SSH2: variants seen among roughly 807,000 people sequenced by gnomAD.
The protein encoded by SSH2 is protein phosphatase Slingshot homolog 2.
In SSH2, 37 loss-of-function variants were observed where a neutral mutation model predicts 135.2. The ratio of observed to expected loss-of-function variants is 0.27; its 90% CI spans 0.21 to 0.36. The LOEUF (loss-of-function observed/expected upper bound fraction) is 0.36, where lower values mean the gene tolerates loss of function less well. Among genes scored for constraint, SSH2 ranks in the 10% least tolerant of loss-of-function variants. The pLI, the probability that SSH2 is intolerant of heterozygous loss-of-function variation, is 1.00. For synonymous variants in SSH2, 628 were observed against 646.2 expected, an observed-to-expected ratio of 0.97 and a Z score of 0.43; for missense variants, 1,408 against 1,765.3, an observed-to-expected ratio of 0.80 and a Z score of 3.63.
intron 3 of SSH2, among the ~76,000 whole-genome samples, chr17:29,732,846 G>A (rs1265154045): frequency 4.6e-5 from 7 of 152,100 alleles, no homozygotes; most frequent in Admixed American, 6.5e-5. Context: ...GTATAATCTC[G>A]AATACGCACT....
chr17:29,774,260 CAAG>C (rs1183270989), intron 3 of SSH2, among the ~76,000 whole-genome samples: 3 of 151,952 alleles, frequency 2.0e-5, no homozygotes, highest in Non-Finnish European at 2.9e-5. Flanking sequence ...TTGTAGTGAA[CAAG>C]AAGGAAATTT....
intron 6 of SSH2, among the ~76,000 whole-genome samples, chr17:29,683,236 TA>T (rs2038058107): frequency 3.9e-5 from 6 of 152,150 alleles, no homozygotes; most frequent in Admixed American, 3.9e-4. Flanking sequence ...ATCCACAGCG[TA>T]AAGATCTGCT....
At chr17:29,702,869 C>A in intron 4 of SSH2, 90 bp downstream of exon 4, 1 of 1,048,774 alleles carries the variant, frequency 9.5e-7, no homozygotes. Context: ...TAAAGAACTT[C>A]TGAAGAGATG....
intron 1 of SSH2, among the ~76,000 whole-genome samples, chr17:29,912,616 T>C (rs994613746): frequency 6.6e-6 from 1 of 152,048 alleles, no homozygotes; most frequent in African/African-American, 2.4e-5. Flanking sequence ...TAGTCCTAAC[T>C]ACTACTCAGG....
At chr17:29,761,136 C>T (rs965134492) in intron 3 of SSH2, 1 of 1,288,552 alleles carries the variant, frequency 7.8e-7, no homozygotes, top group Non-Finnish European at 1.0e-6. Context: ...GCGGAGGGCG[C>T]GCGGCGGACT....
chr17:29,649,815 T>C (rs539281828), intron 13 of SSH2, among the ~76,000 whole-genome samples: 119 of 152,326 alleles, frequency 7.8e-4, no homozygotes, highest in African/African-American at 2.8e-3. Flanking sequence ...AACACTCTTT[T>C]AGGTACTTGC....
chr17:29,727,056 C>G (rs965869203), intron 3 of SSH2, among the ~76,000 whole-genome samples: 6 of 152,226 alleles, frequency 3.9e-5, no homozygotes, highest in Admixed American at 6.5e-5. Context: ...TCCTGCCAGG[C>G]ATCAAACTTA....
chr17:29,738,261 T>C (rs7210152), intron 3 of SSH2, among the ~76,000 whole-genome samples: 91,087 of 152,008 alleles, frequency 0.6, 29,827 homozygotes, highest in African/African-American at 0.87. Flanking sequence ...ATGAACTCAT[T>C]CTTTTTTATG....
At chr17:29,928,357 C>T (rs1047784761) in intron 1 of SSH2, 2 of 394,372 alleles carry the variant, frequency 5.1e-6, no homozygotes, top group African/African-American at 2.1e-5. Flanking sequence ...CTTTGAAGTA[C>T]AAGTATTCTC....
intron 3 of SSH2, among the ~76,000 whole-genome samples, chr17:29,782,444 C>A (rs1244362332): frequency 6.6e-6 from 1 of 152,176 alleles, no homozygotes; most frequent in Non-Finnish European, 1.5e-5. Context: ...TGATAGTTTT[C>A]TTGCCTCCCC....
chr17:29,897,377 C>G (rs2066465054), intron 1 of SSH2, among the ~76,000 whole-genome samples: 2 of 152,044 alleles, frequency 1.3e-5, no homozygotes, highest in South Asian at 4.1e-4. Context: ...GTGCTGTATT[C>G]AGGAAACCCA....
At chr17:29,705,996 A>G (rs2039185063) in intron 3 of SSH2, among the ~76,000 whole-genome samples, 1 of 152,188 alleles carries the variant, frequency 6.6e-6, no homozygotes, top group African/African-American at 2.4e-5. Context: ...AATTTTGTGC[A>G]TCACTGTAGC....
chr17:29,730,438 CTT>C (rs113317053), intron 3 of SSH2, among the ~76,000 whole-genome samples: 41 of 138,410 alleles, frequency 3.0e-4, no homozygotes, highest in Admixed American at 2.9e-4. Flanking sequence ...TTGACTTTTT[CTT>C]TTTTTTTTTT....
chr17:29,829,672 T>A (rs1331450828), intron 2 of SSH2, among the ~76,000 whole-genome samples: 1 of 152,138 alleles, frequency 6.6e-6, no homozygotes, highest in Non-Finnish European at 1.5e-5. Context: ...GAGTACCTCC[T>A]ATGTGCTAGA....
Position 29,884,730 on chromosome 17 carries a change from C to T in SSH2, c.64-35801G>A, listed in dbSNP as rs189167611. 3.6e-3 allele frequency among the ~76,000 whole-genome samples: 548 copies of T among 152,230 alleles called. 8 individuals carry two copies. The highest frequency in any genetic ancestry group is 1.1e-3 in the Non-Finnish European group (75 of 68,018). ...AACCAGTCTTCTATCTTTATTTCAC[C>T]TCATAATCCATCATCAGGCCTCTAC... On this transcript the variant is annotated intron_variant, in intron 1 of 15. Coordinates refer to ENST00000540801, the MANE Select transcript of SSH2 (RefSeq NM_001282129.2).
chr17:29,677,030 A>G, intron 7 of SSH2, 145 bp from the exon 8 acceptor site: 2 of 658,400 alleles, frequency 3.0e-6, no homozygotes, highest in Non-Finnish European at 5.3e-6. Context: ...TTTTAACTAG[A>G]GTGTAAGACT....
chr17:29,856,368 T>C, intron 1 of SSH2: 1 of 206,272 alleles, frequency 4.8e-6, no homozygotes, highest in Non-Finnish European at 9.7e-6. Context: ...AACAAGATAC[T>C]GTATGGTTGA....
At chr17:29,761,255 C>A (rs1354491077) in intron 3 of SSH2, 1 of 1,289,238 alleles carries the variant, frequency 7.8e-7, no homozygotes, top group Non-Finnish European at 1.0e-6. Flanking sequence ...CTTCCTCTTG[C>A]GGGCCAACGT....
intron 1 of SSH2, among the ~76,000 whole-genome samples, chr17:29,901,448 A>T (rs2151460014): frequency 6.6e-6 from 1 of 152,260 alleles, no homozygotes; most frequent in African/African-American, 2.4e-5. Flanking sequence ...ATGTGGGCAT[A>T]CTTAAATTTT....
Sources: gnomAD v4.1 joint callset for allele counts (sites outside exome capture counted in the v4.1 genomes callset) on GRCh38, gnomAD v4.1.1 for gene constraint, MANE v1.5 for transcripts, NCBI Gene and HGNC (gene_info 2026-07-23, HGNC 2026-07-21) for gene names.